Variants in SMCHD1 observed in about 807,000 individuals in gnomAD.
SMCHD1 encodes the protein structural maintenance of chromosomes flexible hinge domain-containing protein 1.
SMCHD1 carries 78 observed loss-of-function variants against 254.7 expected under a neutral mutation model. That is an observed-to-expected ratio of 0.31 (90% CI 0.26 to 0.37). The LOEUF is 0.37. Among genes scored for constraint, SMCHD1 ranks in the 10% least tolerant of loss-of-function variants. The probability of loss-of-function intolerance (pLI) is 1.00; values close to 1 mark genes in which losing one functional copy is unlikely to be tolerated. For synonymous variants in SMCHD1, 766 were observed against 794.9 expected, an observed-to-expected ratio of 0.96 and a Z score of 0.61; for missense variants, 1,840 against 2,408.1, an observed-to-expected ratio of 0.76 and a Z score of 4.94.
intron 1 of SMCHD1, among the ~76,000 whole-genome samples, chr18:2,665,920 C>G (rs562438538): frequency 6.6e-6 from 1 of 151,948 alleles, no homozygotes; most frequent in South Asian, 2.1e-4. Context: ...CACTAGTGTT[C>G]CTAGGTTGCT....
At chr18:2,689,220 CTTT>C (rs71159003) in intron 7 of SMCHD1, among the ~76,000 whole-genome samples, 1 of 132,070 alleles carries the variant, frequency 7.6e-6, no homozygotes, top group Non-Finnish European at 1.6e-5. Flanking sequence ...GATTTTTTTT[CTTT>C]TTTTTTTTTT....
At chr18:2,730,109 A>G (rs2075107908) in intron 24 of SMCHD1, among the ~76,000 whole-genome samples, 2 of 152,276 alleles carry the variant, frequency 1.3e-5, no homozygotes, top group South Asian at 2.1e-4. Context: ...TAATTTTTGT[A>G]TGTAATTTTC....
At chr18:2,795,522 C>T (rs1369181535) in intron 45 of SMCHD1, among the ~76,000 whole-genome samples, 1 of 152,128 alleles carries the variant, frequency 6.6e-6, no homozygotes, top group Non-Finnish European at 1.5e-5. Context: ...TATTAGAAAC[C>T]CCCTGTTACT....
rs537939194 is a variant in SMCHD1 at position 2,658,697 on chromosome 18, C to T, written c.186+2436C>T. 1.1e-4 allele frequency among the ~76,000 whole-genome samples: 17 copies of T among 152,084 alleles called. No individual in the cohort carries two copies. In the East Asian group the frequency reaches 1.5e-3, roughly 14 times the overall value. ...GGATCCCATAACTTTGTCTCCATTACGTACTCGAAGAACTGAATTAAGTCA... is the reference window on the plus strand; with the variant it reads ...GGATCCCATAACTTTGTCTCCATTATGTACTCGAAGAACTGAATTAAGTCA... On this transcript the variant is annotated intron_variant, in intron 1 of 47. Coordinates refer to ENST00000320876, the MANE Select transcript of SMCHD1 (RefSeq NM_015295.3).
chr18:2,682,138 G>T (rs1300543890), intron 5 of SMCHD1, among the ~76,000 whole-genome samples: 1 of 151,702 alleles, frequency 6.6e-6, no homozygotes, highest in African/African-American at 2.4e-5. Flanking sequence ...GGCCAGTTTT[G>T]TTAGAGGTGG....
chr18:2,791,024 AAATT>A (rs2076310695), intron 45 of SMCHD1, among the ~76,000 whole-genome samples: 1 of 152,232 alleles, frequency 6.6e-6, no homozygotes, highest in Non-Finnish European at 1.5e-5. Context: ...TCAAAGATGA[AAATT>A]AAAAGAATTT....
Position 2,726,521 on chromosome 18 carries a change from C to A in SMCHD1, c.2770C>A (p.Pro924Thr). The change falls in exon 22 of 48, where the codon CCT becomes ACT. Residue 924 changes from proline to threonine, a missense_variant. Coordinates refer to ENST00000320876, the MANE Select transcript of SMCHD1 (RefSeq NM_015295.3). Reference sequence around the variant, plus strand: ...ACAGATTTTGAAAATTAGATTACTACCTGGTAATATTATTTCAAGAAATAT... The same window carrying A: ...ACAGATTTTGAAAATTAGATTACTAACTGGTAATATTATTTCAAGAAATAT... ...DSQILKIRLL[P>T]GHPRRLKVKP... The A allele has an allele frequency of 7.7e-7, 1 of 1,301,376 alleles. No homozygotes were observed. Among genetic ancestry groups the A allele is most frequent in the Admixed American group, 2.1e-5 (1 of 47,256 alleles). The allele number at this position is 1,301,376 out of a possible 1,614,324, so 80.6% of individuals were successfully genotyped here. A position where few individuals can be genotyped will look rare whatever the true frequency, so the allele number is the denominator to read the frequency against.
intron 34 of SMCHD1, among the ~76,000 whole-genome samples, chr18:2,753,325 G>T (rs1342379214): frequency 6.6e-6 from 1 of 152,180 alleles, no homozygotes; most frequent in Admixed American, 6.5e-5. Flanking sequence ...TTCCATTGCT[G>T]TATAGAAGTC....
At position 2,718,409 on chromosome 18, in the gene SMCHD1, T is replaced by G. The variant is rs760899591; in HGVS notation, c.2433T>G (p.Ser811=). 12 of 1,609,640 alleles carry G rather than the reference T, an allele frequency of 7.5e-6. No homozygotes were observed. The Admixed American group carries it at 1.0e-4, about 14-fold the overall frequency. The change falls in exon 19 of 48, where the codon TCT becomes TCG. Residue 811 remains serine, a synonymous_variant. Coordinates refer to ENST00000320876, the MANE Select transcript of SMCHD1 (RefSeq NM_015295.3). This position sits in a 1 kb window ranked among gnomAD's most constrained non-coding sequence, Gnocchi z 4.6. Reference sequence around the variant, plus strand: ...CTTATGCAGGAAGACCACTACCATCTAAAGCAATTAAGTTTTCTGTTAAAG... The same window carrying G: ...CTTATGCAGGAAGACCACTACCATCGAAAGCAATTAAGTTTTCTGTTAAAG... The part of the protein sequence containing the change: ...ADTYAGRPLP[S]KAIKFSVKEG...
At chr18:2,687,994 A>G (rs1019515226) in intron 5 of SMCHD1, among the ~76,000 whole-genome samples, 1 of 152,228 alleles carries the variant, frequency 6.6e-6, no homozygotes, top group African/African-American at 2.4e-5. Flanking sequence ...ATCATGATAT[A>G]TGGAAGTGAG....
intron 17 of SMCHD1, among the ~76,000 whole-genome samples, chr18:2,712,201 A>G (rs2074693381): frequency 6.6e-6 from 1 of 150,896 alleles, no homozygotes; most frequent in Admixed American, 6.6e-5. Flanking sequence ...CAATATTCAT[A>G]AGGGATTTTG....
At chr18:2,716,552 C>G (rs1227065072) in intron 17 of SMCHD1, among the ~76,000 whole-genome samples, 4 of 152,150 alleles carry the variant, frequency 2.6e-5, no homozygotes, top group Non-Finnish European at 5.9e-5. Context: ...CAAAGCTAGG[C>G]AGGGCTGGGC....
chr18:2,679,651 A>G (rs2073879282), intron 5 of SMCHD1, among the ~76,000 whole-genome samples: 1 of 151,622 alleles, frequency 6.6e-6, no homozygotes, highest in South Asian at 2.1e-4. Flanking sequence ...TGCTTTTGAG[A>G]TTCTCTTTTT....
chr18:2,771,992 A>G (rs912019936), intron 40 of SMCHD1, among the ~76,000 whole-genome samples: 1 of 152,192 alleles, frequency 6.6e-6, no homozygotes, highest in African/African-American at 2.4e-5. Flanking sequence ...AAGTCCTATT[A>G]TAGGTAGTGT....
chr18:2,794,312 A>G (rs2076222005), intron 45 of SMCHD1, among the ~76,000 whole-genome samples: 1 of 152,142 alleles, frequency 6.6e-6, no homozygotes, highest in Non-Finnish European at 1.5e-5. Flanking sequence ...CGAACAGCAT[A>G]GTGAAACCCC....
At chr18:2,792,887 C>G (rs2076191470) in intron 45 of SMCHD1, among the ~76,000 whole-genome samples, 1 of 152,128 alleles carries the variant, frequency 6.6e-6, no homozygotes, top group Non-Finnish European at 1.5e-5. Context: ...GACCTGTCAC[C>G]TAGCTTTGAT....
chr18:2,727,520 T>C (rs1234543685), intron 22 of SMCHD1, among the ~76,000 whole-genome samples: 1 of 152,096 alleles, frequency 6.6e-6, no homozygotes, highest in Non-Finnish European at 1.5e-5. Context: ...GTACAATTCT[T>C]AGTAGCTAGA....
At chr18:2,691,176 A>T (rs1293815274) in intron 7 of SMCHD1, among the ~76,000 whole-genome samples, 2 of 152,218 alleles carry the variant, frequency 1.3e-5, no homozygotes, top group African/African-American at 4.8e-5. Flanking sequence ...CCTATAAAAT[A>T]TAATGGTGGA....
chr18:2,726,487 A>G lies in SMCHD1; in HGVS notation c.2736A>G (p.Lys912=), dbSNP rs1220762717. 4 of 1,506,028 alleles carry G rather than the reference A, an allele frequency of 2.7e-6. No individual in the cohort carries two copies. The East Asian group carries it at 1.0e-4, about 38-fold the overall frequency. 93.3% of individuals were successfully genotyped at this position (1,506,028 alleles called of 1,614,324 possible). Reference sequence around the variant, plus strand: ...TGAAGGTTACTCTGCCTGGCTTAAAAGAAGACTCACAGATTTTGAAAATTA... The same window carrying G: ...TGAAGGTTACTCTGCCTGGCTTAAAGGAAGACTCACAGATTTTGAAAATTA... ...YNLKVTLPGL[K]EDSQILKIRL... The change falls in exon 22 of 48, where the codon AAA becomes AAG. Residue 912 remains lysine, a synonymous_variant. Coordinates refer to ENST00000320876, the MANE Select transcript of SMCHD1 (RefSeq NM_015295.3).
Sources: allele counts gnomAD v4.1 joint callset (sites outside exome capture counted in the v4.1 genomes callset), GRCh38; gene constraint gnomAD v4.1.1; non-coding constraint Gnocchi (gnomAD v3.1); transcripts MANE v1.5; gene names NCBI Gene and HGNC (gene_info 2026-07-23, HGNC 2026-07-21).